The following NSD2 variants were observed in gnomAD, a reference collection of about 807,000 sequenced individuals.
NSD2 encodes the protein histone-lysine N-methyltransferase NSD2.
A neutral mutation model predicts 139.0 loss-of-function variants in NSD2; 12 were observed. The observed-to-expected ratio is 0.09, with a 90% confidence interval of 0.06 to 0.14. The LOEUF (loss-of-function observed/expected upper bound fraction) is 0.14. Among genes scored for constraint, NSD2 ranks in the 10% least tolerant of loss-of-function variants. The pLI, the probability that NSD2 is intolerant of heterozygous loss-of-function variation, is 1.00. For synonymous variants in NSD2, 669 were observed against 648.7 expected (o/e 1.03, Z -0.48); for missense variants, 1,155 against 1,745.0 (o/e 0.66, Z 6.02).
At chr4:1,890,515 A>G (rs1018610638) in intron 1 of NSD2, among the ~76,000 whole-genome samples, 1 of 151,300 alleles carries the variant, frequency 6.6e-6, no homozygotes, top group Non-Finnish European at 1.5e-5. Context: ...GTTAGCCAGG[A>G]TGGTCTCGAT....
chr4:1,899,840 G>A (rs1388005636), intron 1 of NSD2, among the ~76,000 whole-genome samples: 1 of 152,246 alleles, frequency 6.6e-6, no homozygotes, highest in Non-Finnish European at 1.5e-5. Context: ...GCTCAGCAGT[G>A]TTGTTCTCAA....
In NSD2 at chr4:1,935,240, C is replaced by T. The variant is rs146509878; in HGVS notation, c.1652C>T (p.Thr551Met). 1.1e-4 allele frequency: 179 copies of T among 1,612,928 alleles called. No individual in the cohort carries two copies. The African/African-American group carries it at 1.8e-3, about 16-fold the overall frequency. The change falls in exon 7 of 22, where the codon ACG (threonine) becomes ATG (methionine). Residue 551 changes from threonine to methionine, a missense_variant. By Grantham distance (81) the Thr-to-Met change is moderately conservative. Coordinates refer to ENST00000508803, the MANE Select transcript of NSD2 (RefSeq NM_001042424.3). The stretch of plus-strand genomic sequence containing the variant: ...GACACACCCAGGAAAAGACTCAGGA[C>T]GGACAAGCACAGTCTTCGGAAGGTA... ...AEDTPRKRLR[T>M]DKHSLRKRDT...
intron 2 of NSD2, among the ~76,000 whole-genome samples, chr4:1,903,063 A>T (rs1717394545): frequency 6.6e-6 from 1 of 152,086 alleles, no homozygotes; most frequent in African/African-American, 2.4e-5. Context: ...CCCAGCTACT[A>T]GGGAGGCTGA....
In NSD2 at chr4:1,958,294, G is replaced by A. The variant is rs1209949359; in HGVS notation, c.2985+258G>A. Among the ~76,000 whole-genome samples, 1 of 152,238 alleles carries A rather than the reference G, an allele frequency of 6.6e-6. No homozygotes were observed. Among genetic ancestry groups the A allele is most frequent in the Non-Finnish European group, 1.5e-5 (1 of 68,034 alleles). ...AGGGTTGGGGTGACAGTCCTGACCG[G>A]GCTGCTTGGAGCAGGAGGAGCTGAG... is the stretch of plus-strand genomic sequence containing the variant. On this transcript the variant is annotated intron_variant, in intron 16 of 21. Transcript: ENST00000508803. This position sits in a 1 kb window ranked among gnomAD's most constrained non-coding sequence, Gnocchi z 4.6.
Position 1,948,492 on chromosome 4 carries a change from C to G in NSD2, c.1882-2580C>G, listed in dbSNP as rs1242517752. 62 of 1,064,388 alleles carry G rather than the reference C, an allele frequency of 5.8e-5. No individual in the cohort carries two copies. The highest frequency in any genetic ancestry group is 6.4e-5 in the Non-Finnish European group (56 of 877,960). 65.9% of individuals were successfully genotyped at this position (1,064,388 alleles called of 1,614,324 possible). ...ACTTTGCTCTCCTTGCGGGTGGTTG[C>G]CGAGCCGAGAGCATTGGATCCTCCC... On this transcript the variant is annotated intron_variant, in intron 9 of 21. Coordinates refer to ENST00000508803, the MANE Select transcript of NSD2 (RefSeq NM_001042424.3). This position sits in a 1 kb window ranked among gnomAD's most constrained non-coding sequence, Gnocchi z 4.5.
intron 9 of NSD2, chr4:1,940,187 C>T: frequency 1.8e-6 from 2 of 1,089,892 alleles, no homozygotes; most frequent in Non-Finnish European, 2.2e-6. Flanking sequence ...GAAGGCGACT[C>T]ACACACCACA....
At chr4:1,941,966 A>G (rs1026698162) in intron 9 of NSD2, 6 of 1,088,708 alleles carry the variant, frequency 5.5e-6, no homozygotes, top group Admixed American at 9.4e-5. Context: ...TTAGGTGACC[A>G]TGAGAATTGC....
intron 9 of NSD2, chr4:1,943,453 A>T: frequency 9.6e-7 from 1 of 1,044,790 alleles, no homozygotes; most frequent in East Asian, 5.6e-5. Context: ...TTCTATTTTT[A>T]TCCAAAAGTA....
intron 1 of NSD2, among the ~76,000 whole-genome samples, chr4:1,884,888 C>T (rs1714963590): frequency 2.0e-5 from 3 of 151,830 alleles, no homozygotes. Flanking sequence ...GCAGGCGGAT[C>T]ACCTGAGGTC....
Position 1,934,770 on chromosome 4 carries a change from C to T in NSD2, c.1556-374C>T, listed in dbSNP as rs937794385. Among the ~76,000 whole-genome samples, 3 of 133,130 alleles carry T rather than the reference C, an allele frequency of 2.3e-5. No homozygotes were observed. In the Admixed American group the frequency reaches 2.3e-4, roughly 10 times the overall value. The allele number at this position is 133,130 out of a possible 152,430, so 87.3% of individuals were successfully genotyped here. On this transcript the variant is annotated intron_variant, in intron 6 of 21. Transcript: ENST00000508803. ...GGCTGAGGCAGGAGGATGGCTTGAA[C>T]CCACGAGGCGGAGGTTGCAGTGAGC...
At chr4:1,891,413 A>G (rs138581332) in intron 1 of NSD2, among the ~76,000 whole-genome samples, 1 of 152,178 alleles carries the variant, frequency 6.6e-6, no homozygotes, top group Non-Finnish European at 1.5e-5. Flanking sequence ...GCTCTGGGGA[A>G]TGTCCTGAAT....
In NSD2 at chr4:1,981,356, C is replaced by T. The variant is rs1727745988; in HGVS notation, c.*2447C>T. On this transcript the variant is annotated 3_prime_UTR_variant, in exon 22 of 22. Coordinates refer to ENST00000508803, the MANE Select transcript of NSD2 (RefSeq NM_001042424.3). ...GGCTGACCACGCCCCCAGCTGTGACCGTGGGTGTGGCTGGCTCTCGGCCCT... is the reference window on the plus strand; with the variant it reads ...GGCTGACCACGCCCCCAGCTGTGACTGTGGGTGTGGCTGGCTCTCGGCCCT... The T allele has an allele frequency of 8.6e-6, 2 of 233,308 alleles. No homozygotes were observed. The highest frequency in any genetic ancestry group is 1.8e-4 in the South Asian group (1 of 5,526). The allele number at this position is 233,308 out of a possible 1,614,324, so 14.5% of individuals were successfully genotyped here.
intron 5 of NSD2, among the ~76,000 whole-genome samples, chr4:1,925,390 T>TTTC (rs1720743392): frequency 4.0e-4 from 2 of 4,960 alleles, no homozygotes; most frequent in African/African-American, 1.5e-3. Flanking sequence ...TTTTTCTTTC[T>TTTC]TTTTTTTTTT....
intron 10 of NSD2, among the ~76,000 whole-genome samples, chr4:1,951,460 A>C (rs1450372539): frequency 3.4e-5 from 1 of 29,278 alleles, no homozygotes; most frequent in Admixed American, 3.5e-4. Flanking sequence ...ACACACACAC[A>C]CACACACACA....
intron 10 of NSD2, among the ~76,000 whole-genome samples, chr4:1,951,665 ACT>A (rs1445962986): frequency 6.6e-6 from 1 of 151,854 alleles, no homozygotes; most frequent in Admixed American, 6.6e-5. Context: ...GGCCACCTAC[ACT>A]CTGTGCTTCA....
At chr4:1,971,699 G>C (rs1577574866) in intron 18 of NSD2, among the ~76,000 whole-genome samples, 1 of 152,254 alleles carries the variant, frequency 6.6e-6, no homozygotes, top group African/African-American at 2.4e-5. Context: ...GTGCCAGCCG[G>C]TGGGGTGCAC....
chr4:1,913,943 T>C (rs1044368959), intron 3 of NSD2, among the ~76,000 whole-genome samples: 1 of 152,226 alleles, frequency 6.6e-6, no homozygotes, highest in African/African-American at 2.4e-5. Flanking sequence ...GGTTAAGTTT[T>C]CTTTTTTCCT....
intron 1 of NSD2, among the ~76,000 whole-genome samples, chr4:1,881,494 AC>A (rs1714690675): frequency 1.3e-5 from 2 of 152,054 alleles, no homozygotes; most frequent in Admixed American, 1.3e-4. Context: ...CGATCTCCTG[AC>A]CTCATGATCC....
chr4:1,912,962 A>G (rs537940690), intron 3 of NSD2, among the ~76,000 whole-genome samples: 1 of 152,350 alleles, frequency 6.6e-6, no homozygotes, highest in East Asian at 1.9e-4. Flanking sequence ...GTTCCAGTAT[A>G]ATAAAGAAAA....
Sources: allele counts gnomAD v4.1 joint callset (sites outside exome capture counted in the v4.1 genomes callset), GRCh38; gene constraint gnomAD v4.1.1; non-coding constraint Gnocchi (gnomAD v3.1); transcripts MANE v1.5; gene names NCBI Gene and HGNC (gene_info 2026-07-23, HGNC 2026-07-21).